FAM200B: variants seen among roughly 807,000 people sequenced by gnomAD.
The protein encoded by FAM200B is zinc finger BED-type containing 11.
In FAM200B, 32 loss-of-function variants were observed where a neutral mutation model predicts 33.1. The observed-to-expected ratio is 0.97, with a 90% confidence interval of 0.73 to 1.30. The LOEUF (loss-of-function observed/expected upper bound fraction) is 1.30, where lower values mean the gene tolerates loss of function less well. Ranked by LOEUF, FAM200B falls within the 50% of genes most tolerant of loss-of-function variation. The pLI, the probability that FAM200B is intolerant of heterozygous loss-of-function variation, is 0.00. For missense variants in FAM200B, 741 were observed against 754.0 expected (o/e 0.98, Z 0.20); for synonymous variants, 240 against 264.8 (o/e 0.91, Z 0.91).
chr4:15,638,843 T>C, the FAM200B span: 1 of 562,332 alleles, frequency 1.8e-6, no homozygotes, highest in African/African-American at 1.9e-5. Context: ...TGAGTTAGTT[T>C]ATCTAAAAAT....
rs1719044184 is a variant in FAM200B at position 15,687,968 on chromosome 4, G to T, written c.991G>T (p.Glu331Ter). 1 of 1,551,166 alleles carries T rather than the reference G, an allele frequency of 6.4e-7. No homozygotes were observed. The highest frequency in any genetic ancestry group is 1.4e-5 in the African/African-American group (1 of 73,002). ...AVWNHCFIHREGLASREIPQN... is the reference protein window; with the variant it reads ...AVWNHCFIHR ...GTGGAATCATTGTTTTATACATCGT[G>T]AAGGTTTAGCATCCAGAGAAATTCC... The change falls in exon 2 of 2, where the codon GAA (glutamate) becomes TAA (stop). Residue 331 changes from glutamate to a stop codon, truncating the protein, a stop_gained. Transcript: ENST00000422728. LOFTEE classifies it high-confidence loss of function.
Position 15,687,443 on chromosome 4 carries a change from CGT to C in FAM200B, c.470_471del (p.Val157GlyfsTer7). The C allele has an allele frequency of 6.4e-7, 1 of 1,550,880 alleles. No homozygotes were observed. The highest frequency in any genetic ancestry group is 8.7e-7 in the Non-Finnish European group (1 of 1,146,534). The part of the protein sequence containing the change: ...ALLSSYLVAY[R>X]VAKEKIANTA... ...ATTATCATCATATTTAGTTGCATAT[CGT>C]GTGGCAAAAGAGAAAATAGCTAACA... On this transcript the variant is annotated frameshift_variant, in exon 2 of 2. Coordinates refer to ENST00000422728, the MANE Select transcript of FAM200B (RefSeq NM_001145191.2). LOFTEE classifies it high-confidence loss of function.
the FAM200B span, among the ~76,000 whole-genome samples, chr4:15,662,730 T>C: frequency 6.6e-6 from 1 of 152,234 alleles, no homozygotes; most frequent in Non-Finnish European, 1.5e-5. Context: ...TCCATTATCT[T>C]TATGTAATCT....
chr4:15,685,654 C>T (rs1233365723), intron 1 of FAM200B, among the ~76,000 whole-genome samples: 1 of 151,886 alleles, frequency 6.6e-6, no homozygotes, highest in Non-Finnish European at 1.5e-5. Flanking sequence ...AAATGATTAA[C>T]AATACAAAAA....
the FAM200B span, among the ~76,000 whole-genome samples, chr4:15,643,921 T>C: frequency 6.6e-6 from 1 of 152,216 alleles, no homozygotes; most frequent in East Asian, 1.9e-4. Flanking sequence ...TATAAAATTT[T>C]ATTAAACAGT....
rs1487201233 is a variant in FAM200B at position 15,687,547 on chromosome 4, A to G, written c.570A>G (p.Lys190=). 3.2e-6 allele frequency: 5 copies of G among 1,550,304 alleles called. No individual in the cohort carries two copies. The highest frequency in any genetic ancestry group is 2.4e-5 in the East Asian group (1 of 40,872). ...RTIFDDKSAD[K]LKTIPNDNTV... Reference sequence around the variant, plus strand: ...TATTTGATGATAAATCAGCTGATAAATTAAAAACTATACCTAATGATAACA... The same window carrying G: ...TATTTGATGATAAATCAGCTGATAAGTTAAAAACTATACCTAATGATAACA... The change falls in exon 2 of 2, where the codon AAA becomes AAG. Residue 190 remains lysine, a synonymous_variant. Coordinates refer to ENST00000422728, the MANE Select transcript of FAM200B (RefSeq NM_001145191.2).
Position 15,688,031 on chromosome 4 carries a change from G to C in FAM200B, c.1054G>C (p.Val352Leu), listed in dbSNP as rs1306017465. The stretch of plus-strand genomic sequence containing the variant: ...GGAGGTATTGAAAAATGCAGTGAAA[G>C]TTGTTAATTTTATTAAAGGAAGCTC... Reference protein sequence around the residue: ...LMEVLKNAVKVVNFIKGSSLN... With the variant: ...LMEVLKNAVKLVNFIKGSSLN... Residue 352 changes from valine to leucine, a missense_variant, in exon 2 of 2, where the codon GTT becomes CTT. Coordinates refer to ENST00000422728, the MANE Select transcript of FAM200B (RefSeq NM_001145191.2). 1.9e-6 allele frequency: 3 copies of C among 1,551,102 alleles called. No individual in the cohort carries two copies. Among genetic ancestry groups the C allele is most frequent in the East Asian group, 2.4e-5 (1 of 40,864 alleles).
At chr4:15,657,803 A>T in the FAM200B span, among the ~76,000 whole-genome samples, 1 of 152,214 alleles carries the variant, frequency 6.6e-6, no homozygotes. Context: ...GTGTAGTATC[A>T]TTACCATAGG....
Position 15,688,192 on chromosome 4 carries a change from T to C in FAM200B, c.1215T>C (p.Ile405=). The change falls in exon 2 of 2, where the codon ATT becomes ATC. Residue 405 remains isoleucine, a synonymous_variant. Transcript: ENST00000422728. ...LSRVYELRNE[I]HFFLIEKKSH... ...GGGTTTATGAGCTCAGGAATGAGAT[T>C]CACTTTTTTCTCATTGAAAAAAAAT... 6.4e-7 allele frequency: 1 copy of C among 1,551,116 alleles called. No homozygotes were observed. Among genetic ancestry groups the C allele is most frequent in the Non-Finnish European group, 8.7e-7 (1 of 1,146,682 alleles).
the FAM200B span, among the ~76,000 whole-genome samples, chr4:15,650,495 A>G: frequency 6.6e-6 from 1 of 152,148 alleles, no homozygotes; most frequent in Non-Finnish European, 1.5e-5. Flanking sequence ...CATTTTGAAG[A>G]GCACTCTTCT....
the FAM200B span, among the ~76,000 whole-genome samples, chr4:15,651,818 C>G: frequency 6.6e-6 from 1 of 152,174 alleles, no homozygotes; most frequent in Non-Finnish European, 1.5e-5. Context: ...TTTTTAATAA[C>G]TGGTTTATAT....
chr4:15,688,116 T>TA lies in FAM200B; in HGVS notation c.1140dup (p.Leu381ThrfsTer20). 6.4e-7 allele frequency: 1 copy of TA among 1,551,296 alleles called. No individual in the cohort carries two copies. ...GAGATTGGAACTAATCATACCCACT[T>TA]ACTATATCATACCAAAATTCGTTGG... On this transcript the variant is annotated frameshift_variant, in exon 2 of 2. Coordinates refer to ENST00000422728, the MANE Select transcript of FAM200B (RefSeq NM_001145191.2). LOFTEE classifies it high-confidence loss of function.
At chr4:15,679,130 T>A (rs1236818397), upstream of FAM200B, among the ~76,000 whole-genome samples, 2 of 149,526 alleles carry the variant, frequency 1.3e-5, no homozygotes, top group East Asian at 2.0e-4. Context: ...CGGCGTGATC[T>A]CGGCTCACTG....
rs1370864235 is a variant in FAM200B, at chr4:15,681,879, G to C, written c.-765G>C. The C allele has an allele frequency of 1.3e-5, 2 of 153,206 alleles. No homozygotes were observed. Among genetic ancestry groups the C allele is most frequent in the Admixed American group, 1.3e-4 (2 of 15,304 alleles). The allele number at this position is 153,206 out of a possible 1,614,324, so 9.5% of individuals were successfully genotyped here. A position where few individuals can be genotyped will look rare whatever the true frequency, so the allele number is the denominator to read the frequency against. The stretch of plus-strand genomic sequence containing the variant: ...GAGGCTTGCAGCGCTGGGCCCGGCC[G>C]GGTCGCTGCGGCTGGGCTGGAGGTG... On this transcript the variant is annotated 5_prime_UTR_variant, in exon 1 of 2. Coordinates refer to ENST00000422728, the MANE Select transcript of FAM200B (RefSeq NM_001145191.2).
the FAM200B span, among the ~76,000 whole-genome samples, chr4:15,661,315 G>C: frequency 3.9e-5 from 6 of 152,178 alleles, no homozygotes; most frequent in Non-Finnish European, 8.8e-5. Context: ...AAATGGGTTG[G>C]AGTGTGGAAC....
intron 1 of FAM200B, among the ~76,000 whole-genome samples, chr4:15,682,803 C>T (rs1369272154): frequency 2.6e-5 from 4 of 152,116 alleles, no homozygotes; most frequent in South Asian, 4.1e-4. Flanking sequence ...CAAGAGTATT[C>T]CAGGCAAAAG....
In FAM200B at chr4:15,687,162, G is replaced by GA. The variant is rs1208492290; in HGVS notation, c.185_186insA (p.Tyr63LeufsTer2). 1 of 1,543,202 alleles carries GA rather than the reference G, an allele frequency of 6.5e-7. No individual in the cohort carries two copies. Among genetic ancestry groups the GA allele is most frequent in the Non-Finnish European group, 8.7e-7 (1 of 1,143,684 alleles). On this transcript the variant is annotated frameshift_variant, in exon 2 of 2. Coordinates refer to ENST00000422728, the MANE Select transcript of FAM200B (RefSeq NM_001145191.2). LOFTEE classifies it high-confidence loss of function. ...AAAAAGAAAAAAGTAAGTGCAAGAC[G>GA]TTATAATGAAGATTACTTAAAATAT...
At chr4:15,644,761 A>G in the FAM200B span, 1 of 1,304,528 alleles carries the variant, frequency 7.7e-7, no homozygotes, top group Non-Finnish European at 1.1e-6. Context: ...AATATGCACA[A>G]ATAAAAAATA....
rs1719074615 is a variant in FAM200B, at chr4:15,688,242, A to G, written c.1265A>G (p.Asp422Gly). The change falls in exon 2 of 2, where the codon GAT becomes GGT. Residue 422 changes from aspartate to glycine, a missense_variant. Coordinates refer to ENST00000422728, the MANE Select transcript of FAM200B (RefSeq NM_001145191.2). ...TCTCATTTGGCAAGTATTTTTGAAG[A>G]TGATACTTGGGTAACAAAATTGGCA... ...KKSHLASIFEDDTWVTKLAYL... is the reference protein window; with the variant it reads ...KKSHLASIFEGDTWVTKLAYL... The G allele has an allele frequency of 1.3e-6, 2 of 1,550,032 alleles. No homozygotes were observed. The highest frequency in any genetic ancestry group is 1.7e-6 in the Non-Finnish European group (2 of 1,145,780).
Sources: gnomAD v4.1 joint callset for allele counts (sites outside exome capture counted in the v4.1 genomes callset) on GRCh38, gnomAD v4.1.1 for gene constraint, MANE v1.5 for transcripts, NCBI Gene and HGNC (gene_info 2026-07-23, HGNC 2026-07-21) for gene names.